JAK1: variants seen among roughly 807,000 people sequenced by gnomAD.
JAK1 encodes Janus kinase 1.
Under a neutral mutation model 136.6 loss-of-function variants are expected in JAK1, and 16 were observed. That is an observed-to-expected ratio of 0.12 (90% CI 0.08 to 0.18). The LOEUF (loss-of-function observed/expected upper bound fraction) is 0.18, where lower values mean the gene tolerates loss of function less well. Among genes scored for constraint, JAK1 ranks in the 10% least tolerant of loss-of-function variants. JAK1 has a pLI of 1.00. For missense variants in JAK1, 859 were observed against 1,450.1 expected (o/e 0.59, Z 6.62); for synonymous variants, 492 against 519.5 (o/e 0.95, Z 0.72).
At chr1:64,859,915 T>C in intron 9 of JAK1, 190 bp downstream of exon 9, 1 of 424,512 alleles carries the variant, frequency 2.4e-6, no homozygotes, top group Non-Finnish European at 4.2e-6. Context: ...GAGGGGCTGC[T>C]GCAAAGAGGA....
intron 1 of JAK1, among the ~76,000 whole-genome samples, chr1:64,959,897 GT>G (rs1271882421): frequency 1.3e-5 from 2 of 151,762 alleles, no homozygotes; most frequent in Non-Finnish European, 2.9e-5. Flanking sequence ...TAATTTGAGG[GT>G]TTTTTTTAAA....
Position 64,864,745 on chromosome 1 carries a change from C to T in JAK1, c.1176+42G>A. On this transcript the variant is annotated intron_variant, in intron 8 of 24. Transcript: ENST00000342505. ...AACGGAACTCAGCAATTCTCCCTCT[C>T]ATCACCAGATCCAGACTTAAGAGCT... 2.1e-6 allele frequency: 3 copies of T among 1,440,926 alleles called. No homozygotes were observed. In the African/African-American group the frequency reaches 4.2e-5, roughly 20 times the overall value. 89.3% of individuals were successfully genotyped at this position (1,440,926 alleles called of 1,614,324 possible).
At chr1:65,032,724 C>A (rs1438325050) in intron 2 of JAK1, among the ~76,000 whole-genome samples, 1 of 152,166 alleles carries the variant, frequency 6.6e-6, no homozygotes, top group Non-Finnish European at 1.5e-5. Context: ...ATATGGCCAT[C>A]TTCTCAGTGT....
intron 1 of JAK1, among the ~76,000 whole-genome samples, chr1:65,052,823 G>A (rs1647342717): frequency 6.9e-6 from 1 of 145,644 alleles, no homozygotes. Flanking sequence ...ACTCCAGTCT[G>A]GGCACTCCAG....
intron 1 of JAK1, among the ~76,000 whole-genome samples, chr1:65,060,555 TAA>T (rs1487035363): frequency 6.6e-6 from 1 of 152,168 alleles, no homozygotes; most frequent in Non-Finnish European, 1.5e-5. Flanking sequence ...TTTGGTAAAG[TAA>T]AAGATACTTC....
intron 20 of JAK1, among the ~76,000 whole-genome samples, chr1:64,839,268 A>G (rs1331882339): frequency 6.6e-6 from 1 of 152,204 alleles, no homozygotes; most frequent in Non-Finnish European, 1.5e-5. Context: ...GATTTAGACA[A>G]CTAGAAAATG....
intron 2 of JAK1, among the ~76,000 whole-genome samples, chr1:64,971,562 C>CTT (rs34048219): frequency 3.2e-4 from 46 of 144,478 alleles, no homozygotes; most frequent in Admixed American, 1.9e-3. Context: ...CTCTGTCATA[C>CTT]TTTTTTTTTT....
At chr1:64,973,431 AT>A (rs1173216436) in intron 2 of JAK1, among the ~76,000 whole-genome samples, 1 of 151,810 alleles carries the variant, frequency 6.6e-6, no homozygotes, top group Non-Finnish European at 1.5e-5. Context: ...TAAACATTCT[AT>A]TTTTTTAATC....
chr1:64,855,323 GA>G (rs1202858432), intron 11 of JAK1, among the ~76,000 whole-genome samples, 185 bp downstream of exon 11: 9 of 152,340 alleles, frequency 5.9e-5, no homozygotes, highest in African/African-American at 2.2e-4. Context: ...CTCTTCTACA[GA>G]AAATGCTCAC....
intron 2 of JAK1, among the ~76,000 whole-genome samples, chr1:64,997,676 A>G (rs891352587): frequency 4.6e-5 from 7 of 152,154 alleles, no homozygotes; most frequent in Admixed American, 1.3e-4. Flanking sequence ...ATGGGTTTAT[A>G]ATGGTTGCAG....
At chr1:64,895,481 A>C (rs1266448738) in intron 1 of JAK1, among the ~76,000 whole-genome samples, 1 of 152,246 alleles carries the variant, frequency 6.6e-6, no homozygotes, top group African/African-American at 2.4e-5. Flanking sequence ...AGCAAATATA[A>C]GAAAGTGAAT....
intron 1 of JAK1, among the ~76,000 whole-genome samples, chr1:64,946,456 G>A (rs549990597): frequency 6.6e-6 from 1 of 152,290 alleles, no homozygotes; most frequent in African/African-American, 2.4e-5. Flanking sequence ...GCTAAAACTT[G>A]CAAAGGTACA....
chr1:65,054,210 T>C (rs1216215295), intron 1 of JAK1, among the ~76,000 whole-genome samples: 1 of 152,162 alleles, frequency 6.6e-6, no homozygotes, highest in Non-Finnish European at 1.5e-5. Flanking sequence ...AATTTAAGCA[T>C]GTAACAACAA....
At chr1:65,030,869 C>T (rs577735448) in intron 2 of JAK1, among the ~76,000 whole-genome samples, 7 of 151,836 alleles carry the variant, frequency 4.6e-5, no homozygotes, top group African/African-American at 9.6e-5. Flanking sequence ...AAAGAAAAAA[C>T]GGTGGCCAGT....
intron 1 of JAK1, among the ~76,000 whole-genome samples, chr1:64,946,095 C>T (rs968320471): frequency 4.6e-5 from 7 of 152,082 alleles, no homozygotes; most frequent in South Asian, 4.2e-4. Context: ...ATATCAATAA[C>T]AATAATAAAA....
intron 1 of JAK1, among the ~76,000 whole-genome samples, chr1:65,049,500 CAA>C (rs1647227760): frequency 6.6e-6 from 1 of 152,126 alleles, no homozygotes; most frequent in Admixed American, 6.6e-5. Flanking sequence ...TCACGAACTT[CAA>C]AAGAGGTTGG....
intron 2 of JAK1, chr1:64,990,579 A>C (rs796535742): frequency 1.6e-4 from 25 of 152,296 alleles, no homozygotes; most frequent in African/African-American, 5.1e-4. Flanking sequence ...ACAACAACAA[A>C]AAAAATCACA....
chr1:64,842,335 A>T (rs1654959471), intron 17 of JAK1, among the ~76,000 whole-genome samples: 1 of 152,062 alleles, frequency 6.6e-6, no homozygotes, highest in South Asian at 2.1e-4. Flanking sequence ...TATTACTTTA[A>T]ATTTTAGAAA....
At chr1:64,957,956 AAGT>A (rs1190554768) in intron 1 of JAK1, among the ~76,000 whole-genome samples, 2 of 152,140 alleles carry the variant, frequency 1.3e-5, no homozygotes, top group Non-Finnish European at 2.9e-5. Flanking sequence ...AAAAAAAAAA[AAGT>A]GTACTGCAAA....
Sources: gnomAD v4.1 joint callset for allele counts (sites outside exome capture counted in the v4.1 genomes callset) on GRCh38, gnomAD v4.1.1 for gene constraint, MANE v1.5 for transcripts, NCBI Gene and HGNC (gene_info 2026-07-23, HGNC 2026-07-21) for gene names.